RBPMS: variants seen among roughly 807,000 people sequenced by gnomAD.
RBPMS encodes the protein RNA binding protein, mRNA processing factor.
Under a neutral mutation model 26.8 loss-of-function variants are expected in RBPMS, and 7 were observed. The observed-to-expected ratio is 0.26, with a 90% confidence interval of 0.15 to 0.49. The LOEUF (loss-of-function observed/expected upper bound fraction) is 0.49. Among genes scored for constraint, RBPMS ranks in the 20% least tolerant of loss-of-function variants. The pLI is 0.98. For synonymous variants in RBPMS, 96 were observed against 93.3 expected, an observed-to-expected ratio of 1.03 and a Z score of -0.17; for missense variants, 186 against 250.0, an observed-to-expected ratio of 0.74 and a Z score of 1.73.
intron 4 of RBPMS, among the ~76,000 whole-genome samples, chr8:30,500,220 A>G (rs1438567475): frequency 1.3e-5 from 2 of 152,136 alleles, no homozygotes; most frequent in South Asian, 2.1e-4. Context: ...GTTGTCTGCT[A>G]TTATTAACTG....
intron 5 of RBPMS, among the ~76,000 whole-genome samples, chr8:30,529,175 C>A (rs1220752967): frequency 6.6e-6 from 1 of 151,560 alleles, no homozygotes; most frequent in South Asian, 2.1e-4. Flanking sequence ...GCCAAGATTG[C>A]GCCACTGCAT....
intron 7 of RBPMS, among the ~76,000 whole-genome samples, chr8:30,563,526 A>T (rs1827662586): frequency 6.6e-6 from 1 of 151,928 alleles, no homozygotes; most frequent in Admixed American, 6.6e-5. Flanking sequence ...TTCTTTCAGG[A>T]CTCTTGAAAT....
At chr8:30,508,422 G>C (rs1181746772) in intron 5 of RBPMS, among the ~76,000 whole-genome samples, 1 of 152,188 alleles carries the variant, frequency 6.6e-6, no homozygotes, top group Non-Finnish European at 1.5e-5. Flanking sequence ...GTTTGGTTTA[G>C]TTACCTAACC....
intron 2 of RBPMS, among the ~76,000 whole-genome samples, chr8:30,475,236 T>G (rs1463750830): frequency 1.3e-5 from 2 of 152,172 alleles, no homozygotes; most frequent in East Asian, 3.8e-4. Flanking sequence ...GATACCTAGG[T>G]GTAAGTTGAT....
chr8:30,419,794 A>G (rs1005081960), intron 1 of RBPMS, among the ~76,000 whole-genome samples: 1 of 152,192 alleles, frequency 6.6e-6, no homozygotes, highest in African/African-American at 2.4e-5. Flanking sequence ...ATCTGGTCCC[A>G]GTCATTTCAC....
At position 30,504,416 on chromosome 8, in the gene RBPMS, A is replaced by T. The variant is rs752312454; in HGVS notation, c.377A>T (p.Gln126Leu). 6.2e-7 allele frequency: 1 copy of T among 1,614,154 alleles called. No homozygotes were observed. Among genetic ancestry groups the T allele is most frequent in the Non-Finnish European group, 8.5e-7 (1 of 1,179,970 alleles). The change falls in exon 5 of 9, where the codon CAG becomes CTG. Residue 126 changes from glutamine to leucine, a missense_variant. Coordinates refer to ENST00000397323, the MANE Select transcript of RBPMS (RefSeq NM_001008710.3). ...PSTPLPNTVP[Q>L]FIAREPYELT... ...ACTCCTCTGCCCAACACTGTACCTC[A>T]GTTCATTGCCAGAGAGCCATGTAAG...
At chr8:30,499,040 T>C (rs1222186939) in intron 4 of RBPMS, among the ~76,000 whole-genome samples, 2 of 152,150 alleles carry the variant, frequency 1.3e-5, no homozygotes, top group Non-Finnish European at 2.9e-5. Flanking sequence ...GAGCTAAATA[T>C]AAGTCTGTAA....
At position 30,475,314 on chromosome 8, in the gene RBPMS, C is replaced by A. The variant is rs117423625; in HGVS notation, c.144+458C>A. Among the ~76,000 whole-genome samples the A allele has an allele frequency of 3.7e-4, 56 of 152,260 alleles. No homozygotes were observed. The East Asian group carries it at 0.01, about 28-fold the overall frequency. ...CCTGTCCTTCCTATGGAAATAAGATCACTTGATAGATACTTAATGTTGCTA... is the reference window on the plus strand; with the variant it reads ...CCTGTCCTTCCTATGGAAATAAGATAACTTGATAGATACTTAATGTTGCTA... On this transcript the variant is annotated intron_variant, in intron 2 of 8. Transcript: ENST00000397323.
chr8:30,566,426 C>A, intron 8 of RBPMS, 66 bp downstream of exon 8: 1 of 429,302 alleles, frequency 2.3e-6, no homozygotes, highest in Non-Finnish European at 3.1e-6. Flanking sequence ...GAACTGTGGG[C>A]CTCTGGGGGT....
intron 7 of RBPMS, among the ~76,000 whole-genome samples, chr8:30,561,482 GATGAGGTAAC>G (rs1270714177): frequency 6.6e-6 from 1 of 152,208 alleles, no homozygotes; most frequent in East Asian, 1.9e-4. Flanking sequence ...AGGTGCCGAG[GATGAGGTAAC>G]TGGAAATTCT....
At chr8:30,510,083 C>A (rs1193748049) in intron 5 of RBPMS, among the ~76,000 whole-genome samples, 1 of 152,172 alleles carries the variant, frequency 6.6e-6, no homozygotes, top group Non-Finnish European at 1.5e-5. Flanking sequence ...CTCAGTAGGG[C>A]CGAAAATAAT....
At chr8:30,533,350 G>T (rs929494950) in intron 5 of RBPMS, among the ~76,000 whole-genome samples, 13 of 152,186 alleles carry the variant, frequency 8.5e-5, no homozygotes, top group Non-Finnish European at 1.5e-5. Flanking sequence ...CAGAAGTGGG[G>T]TTTTGTTTTG....
chr8:30,539,993 G>T lies in RBPMS; in HGVS notation c.398-4501G>T, dbSNP rs1013921202. On this transcript the variant is annotated intron_variant, in intron 5 of 8. Coordinates refer to ENST00000397323, the MANE Select transcript of RBPMS (RefSeq NM_001008710.3). Reference sequence around the variant, plus strand: ...GACACTGGTGAGCAAGAATAAGAGTGAGCTTGCCGTCCAGGAGGTAACTGC... The same window carrying T: ...GACACTGGTGAGCAAGAATAAGAGTTAGCTTGCCGTCCAGGAGGTAACTGC... Among the ~76,000 whole-genome samples, 6 of 152,308 alleles carry T rather than the reference G, an allele frequency of 3.9e-5. No homozygotes were observed. In the East Asian group the frequency reaches 1.2e-3, roughly 29 times the overall value.
At chr8:30,440,706 G>T (rs1812969425) in intron 1 of RBPMS, among the ~76,000 whole-genome samples, 2 of 151,876 alleles carry the variant, frequency 1.3e-5, no homozygotes, top group South Asian at 4.2e-4. Context: ...TTGATTTTTT[G>T]AGGTTCTCCA....
chr8:30,535,748 T>C (rs1316674014), intron 5 of RBPMS, among the ~76,000 whole-genome samples: 3 of 152,198 alleles, frequency 2.0e-5, no homozygotes, highest in African/African-American at 7.2e-5. Context: ...CCCAGTGTTG[T>C]TACATTAAAA....
At chr8:30,563,353 T>C (rs1827646699) in intron 7 of RBPMS, among the ~76,000 whole-genome samples, 1 of 152,206 alleles carries the variant, frequency 6.6e-6, no homozygotes, top group Non-Finnish European at 1.5e-5. Context: ...AATTGTCAGT[T>C]TCCCAGATAC....
chr8:30,517,376 C>T (rs1160338454), intron 5 of RBPMS, among the ~76,000 whole-genome samples: 2 of 152,220 alleles, frequency 1.3e-5, no homozygotes, highest in East Asian at 3.9e-4. Flanking sequence ...TCATTCTGTG[C>T]TTCGTGTAGC....
At chr8:30,523,594 G>A (rs1823278872) in intron 5 of RBPMS, among the ~76,000 whole-genome samples, 1 of 150,402 alleles carries the variant, frequency 6.6e-6, no homozygotes, top group Admixed American at 6.7e-5. Context: ...GCTTTAGGGT[G>A]AGCACATGAC....
intron 4 of RBPMS, among the ~76,000 whole-genome samples, chr8:30,500,689 A>C (rs918948556): frequency 2.0e-5 from 3 of 152,126 alleles, no homozygotes; most frequent in Admixed American, 1.3e-4. Flanking sequence ...CTGTGTCTCT[A>C]TATAGGCTCA....
Sources: allele counts gnomAD v4.1 joint callset (sites outside exome capture counted in the v4.1 genomes callset), GRCh38; gene constraint gnomAD v4.1.1; transcripts MANE v1.5; gene names NCBI Gene and HGNC (gene_info 2026-07-23, HGNC 2026-07-21).